The following DCC variants were observed in gnomAD, a reference collection of about 807,000 sequenced individuals.
The protein encoded by DCC is netrin receptor DCC.
DCC carries 58 observed loss-of-function variants against 172.5 expected under a neutral mutation model. The observed-to-expected ratio is 0.34, with a 90% confidence interval of 0.27 to 0.42. The LOEUF is 0.42. Ranked by LOEUF, DCC falls within the 10% of genes least tolerant of loss-of-function variation. DCC has a pLI of 1.00. For missense variants in DCC, 1,740 were observed against 1,791.0 expected (o/e 0.97, Z 0.51); for synonymous variants, 709 against 644.5 (o/e 1.10, Z -1.52).
intron 23 of DCC, among the ~76,000 whole-genome samples, chr18:53,451,940 T>C (rs922436980): frequency 6.6e-6 from 1 of 152,184 alleles, no homozygotes; most frequent in Non-Finnish European, 1.5e-5. Context: ...ACCAGCTGAT[T>C]TATGAGATTT....
chr18:52,691,135 G>A (rs2035923928), intron 1 of DCC, among the ~76,000 whole-genome samples: 1 of 152,140 alleles, frequency 6.6e-6, no homozygotes, highest in Non-Finnish European at 1.5e-5. Context: ...AAGCTCTATT[G>A]TAGTGAAAGA....
At chr18:52,449,317 T>C (rs985535514) in intron 1 of DCC, among the ~76,000 whole-genome samples, 7 of 152,182 alleles carry the variant, frequency 4.6e-5, no homozygotes, top group African/African-American at 7.2e-5. Context: ...CTTTGAAAAT[T>C]AGACAAAAGT....
chr18:52,655,687 A>G (rs977292697), intron 1 of DCC, among the ~76,000 whole-genome samples: 1 of 152,184 alleles, frequency 6.6e-6, no homozygotes, highest in South Asian at 2.1e-4. Context: ...AGGCAGTTGT[A>G]TTACAAATAA....
intron 5 of DCC, among the ~76,000 whole-genome samples, chr18:53,032,847 C>T (rs918474819): frequency 2.0e-5 from 3 of 152,096 alleles, no homozygotes; most frequent in Admixed American, 6.6e-5. Flanking sequence ...CAGTTCAAGT[C>T]AGACTAACAC....
At chr18:52,453,002 G>A (rs974249666) in intron 1 of DCC, among the ~76,000 whole-genome samples, 2 of 152,224 alleles carry the variant, frequency 1.3e-5, no homozygotes, top group African/African-American at 2.4e-5. Context: ...AATTTTGGGT[G>A]CAGCACTGTG....
intron 1 of DCC, among the ~76,000 whole-genome samples, chr18:52,349,157 C>A (rs369037283): frequency 1.3e-5 from 2 of 151,828 alleles, no homozygotes; most frequent in South Asian, 2.1e-4. Context: ...GGGTTTCAAA[C>A]AAACGTATGT....
At chr18:52,974,816 TCTTTAA>T (rs2041090781) in intron 5 of DCC, among the ~76,000 whole-genome samples, 1 of 152,340 alleles carries the variant, frequency 6.6e-6, no homozygotes, top group Middle Eastern at 3.4e-3. Flanking sequence ...GGGCATGATG[TCTTTAA>T]CTTTAACCTT....
intron 1 of DCC, among the ~76,000 whole-genome samples, chr18:52,729,022 G>T (rs1157832652): frequency 6.6e-6 from 1 of 152,134 alleles, no homozygotes; most frequent in African/African-American, 2.4e-5. Flanking sequence ...AGGAAAATCG[G>T]ATTTTAACAA....
intron 1 of DCC, among the ~76,000 whole-genome samples, chr18:52,564,538 G>T (rs1039813491): frequency 6.6e-6 from 1 of 151,836 alleles, no homozygotes; most frequent in Non-Finnish European, 1.5e-5. Context: ...TTTTAAATAG[G>T]TTTCTTCAAA....
chr18:53,362,455 G>T (rs1363661281), intron 15 of DCC, among the ~76,000 whole-genome samples: 3 of 152,090 alleles, frequency 2.0e-5, no homozygotes, highest in Admixed American at 6.5e-5. Flanking sequence ...TTCTGTTGTT[G>T]GTCAAGTTAC....
Position 53,402,075 on chromosome 18 carries a change from C to A in DCC, c.2828-711C>A, listed in dbSNP as rs192034328. On this transcript the variant is annotated intron_variant, in intron 18 of 28. Coordinates refer to ENST00000442544, the MANE Select transcript of DCC (RefSeq NM_005215.4). ...TGTCACCTAGCTAAGATATTTTGAC[C>A]CCAGTTTTATCTCATTTTAAAAACT... Among the ~76,000 whole-genome samples, 23 of 152,010 alleles carry A rather than the reference C, an allele frequency of 1.5e-4. No homozygotes were observed. The East Asian group carries it at 3.9e-3, about 26-fold the overall frequency.
intron 6 of DCC, 74 bp from the exon 7 acceptor site, chr18:53,065,972 C>G: frequency 6.3e-7 from 1 of 1,576,520 alleles, no homozygotes; most frequent in Non-Finnish European, 8.7e-7. Flanking sequence ...AAACTTTGGT[C>G]TCATCTAAGT....
intron 1 of DCC, among the ~76,000 whole-genome samples, chr18:52,633,439 G>T (rs1293185460): frequency 6.6e-6 from 1 of 152,144 alleles, no homozygotes; most frequent in African/African-American, 2.4e-5. Flanking sequence ...ATAAGGAGTT[G>T]TCACCTTACC....
chr18:52,406,341 G>A (rs1167998678), intron 1 of DCC, among the ~76,000 whole-genome samples: 2 of 150,870 alleles, frequency 1.3e-5, no homozygotes, highest in Non-Finnish European at 3.0e-5. Context: ...TTAAACTAAA[G>A]AGCTTCTGCA....
rs140761988 is a variant in DCC at position 53,096,304 on chromosome 18, A to G, written c.1261+30138A>G. On this transcript the variant is annotated intron_variant, in intron 7 of 28. Coordinates refer to ENST00000442544, the MANE Select transcript of DCC (RefSeq NM_005215.4). The stretch of plus-strand genomic sequence containing the variant: ...CAGCGAGCTATGATTGCACCCCTGC[A>G]CTTTAGCCTAGATGACAGTGAGGCC... 2.4e-3 allele frequency among the ~76,000 whole-genome samples: 364 copies of G among 152,288 alleles called. 1 individual carries two copies. The highest frequency in any genetic ancestry group is 3.8e-3 in the Non-Finnish European group (261 of 68,008).
intron 1 of DCC, among the ~76,000 whole-genome samples, chr18:52,593,607 A>G (rs1286649850): frequency 6.6e-6 from 1 of 152,184 alleles, no homozygotes; most frequent in Non-Finnish European, 1.5e-5. Flanking sequence ...CCTAACATCA[A>G]TGCATTAATC....
At chr18:53,280,074 C>T (rs946054209) in intron 12 of DCC, among the ~76,000 whole-genome samples, 1 of 152,036 alleles carries the variant, frequency 6.6e-6, no homozygotes, top group Admixed American at 6.6e-5. Context: ...GCAAATGTAC[C>T]CATGAACCTA....
At chr18:52,935,469 C>T (rs2040368183) in intron 5 of DCC, among the ~76,000 whole-genome samples, 1 of 152,008 alleles carries the variant, frequency 6.6e-6, no homozygotes, top group Admixed American at 6.6e-5. Context: ...TACAAACAAG[C>T]ATGTATATCT....
chr18:53,322,509 C>A (rs2057423453), intron 14 of DCC, among the ~76,000 whole-genome samples: 1 of 152,018 alleles, frequency 6.6e-6, no homozygotes, highest in African/African-American at 2.4e-5. Context: ...TAATAGTAAT[C>A]ATGAACTATA....
Sources: gnomAD v4.1 joint callset for allele counts (sites outside exome capture counted in the v4.1 genomes callset) on GRCh38, gnomAD v4.1.1 for gene constraint, MANE v1.5 for transcripts, NCBI Gene and HGNC (gene_info 2026-07-23, HGNC 2026-07-21) for gene names.